Variants in KIAA1549L observed in about 807,000 individuals in gnomAD.
KIAA1549L encodes the protein UPF0606 protein KIAA1549L.
KIAA1549L carries 88 observed loss-of-function variants against 160.7 expected under a neutral mutation model. The ratio of observed to expected loss-of-function variants is 0.55; its 90% CI spans 0.46 to 0.65. The LOEUF (loss-of-function observed/expected upper bound fraction) is 0.65. Ranked by LOEUF, KIAA1549L falls within the 30% of genes least tolerant of loss-of-function variation. KIAA1549L has a pLI of 0.00. For missense variants in KIAA1549L, 2,258 were observed against 2,437.5 expected (o/e 0.93, Z 1.55); for synonymous variants, 950 against 976.7 (o/e 0.97, Z 0.51).
chr11:33,657,392 G>A (rs1852101651), intron 18 of KIAA1549L, among the ~76,000 whole-genome samples: 2 of 152,228 alleles, frequency 1.3e-5, no homozygotes, highest in Non-Finnish European at 1.5e-5. Flanking sequence ...GCCACATATC[G>A]GGGGTGGGGG....
At chr11:33,581,527 C>G (rs1362820993) in intron 10 of KIAA1549L, among the ~76,000 whole-genome samples, 2 of 151,884 alleles carry the variant, frequency 1.3e-5, no homozygotes, top group Non-Finnish European at 1.5e-5. Context: ...TTCATAGAAA[C>G]GTTTGACCTC....
chr11:33,430,211 C>T (rs1851209303), intron 1 of KIAA1549L, among the ~76,000 whole-genome samples: 2 of 137,088 alleles, frequency 1.5e-5, no homozygotes, highest in Admixed American at 1.4e-4. Context: ...CTCCCTCTCT[C>T]CCTCCCTCCC....
chr11:33,617,175 G>C (rs1410820097), intron 15 of KIAA1549L, among the ~76,000 whole-genome samples: 2 of 150,764 alleles, frequency 1.3e-5, no homozygotes, highest in Admixed American at 1.3e-4. Flanking sequence ...GTTTTCTGAA[G>C]ATAGATAGTC....
At chr11:33,407,627 G>T (rs1843984512) in intron 1 of KIAA1549L, among the ~76,000 whole-genome samples, 1 of 152,130 alleles carries the variant, frequency 6.6e-6, no homozygotes, top group African/African-American at 2.4e-5. Context: ...GGGATTATAG[G>T]CCTGAGCCAC....
At chr11:33,455,233 G>A (rs1851799044) in intron 1 of KIAA1549L, among the ~76,000 whole-genome samples, 1 of 152,210 alleles carries the variant, frequency 6.6e-6, no homozygotes. Flanking sequence ...TCCATTGCCA[G>A]CAATAACAAG....
rs1017586380 is a variant in KIAA1549L at position 33,376,864 on chromosome 11, C to G, written c.213C>G (p.Leu71=). ...TGGGACTTCTGCTGCTGGCGGCCCT[C>G]CTGGAGCACGGCCAGGCCGACCCGG... ...LLLGLLLLAA[L]LEHGQADPGT... is the part of the protein sequence containing the mutation. Residue 71 remains leucine (L), a synonymous_variant, in exon 1 of 21, where the codon CTC becomes CTG. Transcript: ENST00000658780. This position sits in a 1 kb window ranked among gnomAD's most constrained non-coding sequence, Gnocchi z 5.8. The G allele has an allele frequency of 6.6e-6, 1 of 152,482 alleles. No individual in the cohort carries two copies. Among genetic ancestry groups the G allele is most frequent in the Non-Finnish European group, 1.5e-5 (1 of 68,316 alleles). The allele number at this position is 152,482 out of a possible 1,614,324, so 9.4% of individuals were successfully genotyped here.
chr11:33,600,857 T>C (rs1850339948), intron 13 of KIAA1549L, among the ~76,000 whole-genome samples: 1 of 152,158 alleles, frequency 6.6e-6, no homozygotes, highest in Non-Finnish European at 1.5e-5. Context: ...TGAATACACA[T>C]TTGCAAAGTG....
At chr11:33,506,225 C>T (rs776106047) in intron 1 of KIAA1549L, among the ~76,000 whole-genome samples, 1 of 152,144 alleles carries the variant, frequency 6.6e-6, no homozygotes, top group Admixed American at 6.5e-5. Flanking sequence ...CTGGCTCTGC[C>T]CTTTATCAGT....
rs796904873 is a variant in KIAA1549L, at chr11:33,383,446, T to A, written c.238+6557T>A. 9.2e-5 allele frequency among the ~76,000 whole-genome samples: 14 copies of A among 152,300 alleles called. 1 individual carries two copies. The highest frequency in any genetic ancestry group is 3.1e-4 in the African/African-American group (13 of 41,554). Reference sequence around the variant, plus strand: ...GGATGGCAGCCATGGATGGTGACTCTCTTTGGGGACTTCAGGACCAAAGGA... The same window carrying A: ...GGATGGCAGCCATGGATGGTGACTCACTTTGGGGACTTCAGGACCAAAGGA... On this transcript the variant is annotated intron_variant, in intron 1 of 20. Transcript: ENST00000658780.
chr11:33,581,858 T>C (rs934415417), intron 10 of KIAA1549L, among the ~76,000 whole-genome samples: 5 of 152,130 alleles, frequency 3.3e-5, no homozygotes, highest in Middle Eastern at 3.4e-3. Context: ...TAAATGAAGG[T>C]GAGGGGATTT....
chr11:33,526,679 T>C lies in KIAA1549L; in HGVS notation c.239-15123T>C, dbSNP rs148052849. ...GGACGAGAGCCCTTGAGTTCCAGAT[T>C]TTTCCACTGAAACTGTCTACCCAAA... On this transcript the variant is annotated intron_variant, in intron 1 of 20. Coordinates refer to ENST00000658780, the MANE Select transcript of KIAA1549L (RefSeq NM_012194.3). Among the ~76,000 whole-genome samples the C allele has an allele frequency of 1.8e-3, 278 of 152,292 alleles. 2 individuals are homozygous for C. Among genetic ancestry groups the C allele is most frequent in the African/African-American group, 6.4e-3 (264 of 41,562 alleles).
intron 16 of KIAA1549L, among the ~76,000 whole-genome samples, chr11:33,638,011 C>T (rs1474570203): frequency 1.3e-5 from 2 of 152,200 alleles, no homozygotes; most frequent in Non-Finnish European, 2.9e-5. Context: ...ACCTCTTCTC[C>T]TCCTTCAGGT....
At position 33,544,458 on chromosome 11, in the gene KIAA1549L, C is replaced by T. The variant is rs181954685; in HGVS notation, c.2773+122C>T. On this transcript the variant is annotated intron_variant, in intron 2 of 20. Transcript: ENST00000658780. ...CAGCTTTGCTCTGAAGGAGCTCATA[C>T]CCCCGATCAGGAATGAGTTAGTAGC... 10,509 of 1,074,138 alleles carry T rather than the reference C, an allele frequency of 9.8e-3. 63 individuals carry two copies. Among genetic ancestry groups the T allele is most frequent in the Non-Finnish European group, 0.012 (9,069 of 742,952 alleles). The allele number at this position is 1,074,138 out of a possible 1,614,324, so 66.5% of individuals were successfully genotyped here. A position where few individuals can be genotyped will look rare whatever the true frequency, so the allele number is the denominator to read the frequency against.
At chr11:33,379,636 G>A (rs538282262) in intron 1 of KIAA1549L, among the ~76,000 whole-genome samples, 2 of 152,300 alleles carry the variant, frequency 1.3e-5, no homozygotes, top group African/African-American at 4.8e-5. Flanking sequence ...GTTATGTACA[G>A]GGATAGTGCT....
intron 17 of KIAA1549L, among the ~76,000 whole-genome samples, chr11:33,654,675 CA>C (rs1852003283): frequency 6.6e-6 from 1 of 152,164 alleles, no homozygotes; most frequent in Non-Finnish European, 1.5e-5. Context: ...GTTTGTTTTC[CA>C]GGCCACTTCG....
chr11:33,469,763 T>C (rs1256993079), intron 1 of KIAA1549L, among the ~76,000 whole-genome samples: 1 of 152,258 alleles, frequency 6.6e-6, no homozygotes, highest in African/African-American at 2.4e-5. Context: ...ATTTCCCTAA[T>C]GGCTAATGAT....
chr11:33,576,954 G>T (rs1855470239), intron 10 of KIAA1549L, among the ~76,000 whole-genome samples: 1 of 152,164 alleles, frequency 6.6e-6, no homozygotes, highest in African/African-American at 2.4e-5. Context: ...GTGACATTTA[G>T]AGCTAAGGGA....
In KIAA1549L at chr11:33,671,336, G is replaced by A. The variant is rs545281373; in HGVS notation, c.*3182G>A. 4 of 152,242 alleles carry A rather than the reference G, an allele frequency of 2.6e-5. No individual in the cohort carries two copies. Among genetic ancestry groups the A allele is most frequent in the South Asian group, 2.1e-4 (1 of 4,824 alleles). The allele number at this position is 152,242 out of a possible 1,614,324, so 9.4% of individuals were successfully genotyped here. ...AGCAGAGTCCATGCTCTGCATCAGG[G>A]GAGGTGCAGTAAAGGTCCATTGTGT... On this transcript the variant is annotated 3_prime_UTR_variant, in exon 21 of 21. Transcript: ENST00000658780.
chr11:33,520,710 C>T (rs975778781), intron 1 of KIAA1549L, among the ~76,000 whole-genome samples: 1 of 148,046 alleles, frequency 6.8e-6, no homozygotes, highest in Non-Finnish European at 1.5e-5. Flanking sequence ...CACACACACA[C>T]ACACACACAC....
Sources: allele counts gnomAD v4.1 joint callset (sites outside exome capture counted in the v4.1 genomes callset), GRCh38; gene constraint gnomAD v4.1.1; non-coding constraint Gnocchi (gnomAD v3.1); transcripts MANE v1.5; gene names NCBI Gene and HGNC (gene_info 2026-07-23, HGNC 2026-07-21).